Variants in MKRN1 observed in about 807,000 individuals in gnomAD.
MKRN1 encodes the protein makorin ring finger protein 1, also known as E3 ubiquitin-protein ligase makorin-1.
In MKRN1, 9 loss-of-function variants were observed where a neutral mutation model predicts 55.5. The ratio of observed to expected loss-of-function variants is 0.16; its 90% CI spans 0.10 to 0.28. The LOEUF (loss-of-function observed/expected upper bound fraction) is 0.28, where lower values mean the gene tolerates loss of function less well. MKRN1 is among the 10% of genes least tolerant of loss of function. The pLI is 1.00. For missense variants in MKRN1, 488 were observed against 626.7 expected (o/e 0.78, Z 2.36); for synonymous variants, 253 against 235.9 (o/e 1.07, Z -0.66).
intron 5 of MKRN1, 196 bp from the exon 6 acceptor site, chr7:140,456,096 T>C (rs1585462076): frequency 9.7e-7 from 1 of 1,030,754 alleles, no homozygotes; most frequent in Non-Finnish European, 1.3e-6. Context: ...TAAATCCAAC[T>C]CAAGGGCTAG....
In MKRN1 at chr7:140,459,193, C is replaced by T. The variant is rs1563087964; in HGVS notation, c.585G>A (p.Val195=). 1.2e-6 allele frequency: 2 copies of T among 1,613,924 alleles called. No homozygotes were observed. The highest frequency in any genetic ancestry group is 3.3e-5 in the Admixed American group (2 of 60,014). ...SCTEAPLQGS[V]TKEESEKEQT... is the part of the protein sequence containing the mutation. Reference sequence around the variant, plus strand: ...GCTCTTTCTCTGATTCTTCCTTGGTCACTGAGCCCTGCAGGGGTGCTTCAG... The same window carrying T: ...GCTCTTTCTCTGATTCTTCCTTGGTTACTGAGCCCTGCAGGGGTGCTTCAG... The change falls in exon 4 of 8, where the codon GTG becomes GTA. Residue 195 remains valine, a synonymous_variant. Transcript: ENST00000255977.
In MKRN1 at chr7:140,459,689, C is replaced by A; in HGVS notation, c.544+18G>T. ...TATCCAGCCCTCTAACTCTTATTTT[C>A]TTCTTCAGAATACTTACTACGGCCA... On this transcript the variant is annotated intron_variant, in intron 3 of 7. Transcript: ENST00000255977. The A allele has an allele frequency of 6.2e-7, 1 of 1,608,080 alleles. No homozygotes were observed. Among genetic ancestry groups the A allele is most frequent in the African/African-American group, 1.3e-5 (1 of 74,896 alleles).
At chr7:140,459,273 A>G (rs754536949) in intron 3 of MKRN1, 40 bp from the exon 4 acceptor site, 1 of 1,592,786 alleles carries the variant, frequency 6.3e-7, no homozygotes, top group Non-Finnish European at 8.6e-7. Context: ...CCAAATAGAT[A>G]AGGCATGAAC....
At chr7:140,472,902 G>T (rs1041772171) in intron 1 of MKRN1, among the ~76,000 whole-genome samples, 1 of 151,358 alleles carries the variant, frequency 6.6e-6, no homozygotes, top group Non-Finnish European at 1.5e-5. Context: ...TGGATCACGA[G>T]GTCAGGAGAT....
At chr7:140,473,961 T>TA (rs1795013293) in intron 1 of MKRN1, 1 of 135,714 alleles carries the variant, frequency 7.4e-6, no homozygotes, top group Non-Finnish European at 1.5e-5. Context: ...CACTGCACTC[T>TA]AGCCTGGGCA....
intron 6 of MKRN1, 164 bp downstream of exon 6, chr7:140,455,626 G>GC (rs1794446934): frequency 1.6e-6 from 1 of 617,940 alleles, no homozygotes; most frequent in Non-Finnish European, 2.8e-6. Flanking sequence ...CTGTGTTATA[G>GC]CAAGATATAT....
At chr7:140,467,941 G>T (rs1794818760) in intron 2 of MKRN1, among the ~76,000 whole-genome samples, 1 of 150,056 alleles carries the variant, frequency 6.7e-6, no homozygotes, top group Admixed American at 6.6e-5. Context: ...GGTGGAGGTT[G>T]CGGTGAGCCG....
intron 1 of MKRN1, among the ~76,000 whole-genome samples, chr7:140,473,992 CAAAAA>C (rs750043239): frequency 1.3e-4 from 2 of 15,210 alleles, no homozygotes; most frequent in African/African-American, 3.1e-4. Context: ...AACTCCGTCT[CAAAAA>C]AAAAAAAAAA....
chr7:140,470,978 T>C (rs1443274336), intron 2 of MKRN1, among the ~76,000 whole-genome samples: 1 of 152,028 alleles, frequency 6.6e-6, no homozygotes, highest in Non-Finnish European at 1.5e-5. Context: ...TGCTAAAATT[T>C]TGACTGCCAT....
chr7:140,454,787 T>A (rs1794420676), intron 7 of MKRN1, 58 bp from the exon 8 acceptor site: 8 of 1,557,946 alleles, frequency 5.1e-6, no homozygotes, highest in Non-Finnish European at 7.1e-6. Flanking sequence ...TTCTATCCTG[T>A]TGTTTATAAG....
intron 2 of MKRN1, among the ~76,000 whole-genome samples, chr7:140,470,577 C>T (rs1378316660): frequency 6.8e-6 from 1 of 146,690 alleles, no homozygotes; most frequent in Non-Finnish European, 1.5e-5. Flanking sequence ...AAGAGCAAGA[C>T]TCCATCCTAA....
rs763962930 is a variant in MKRN1 at position 140,459,230 on chromosome 7, G to A, written c.548C>T (p.Ala183Val). The change falls in exon 4 of 8, where the codon GCG (alanine) becomes GTG (valine). Residue 183 changes from alanine to valine, a missense_variant. Ala to Val is a moderately conservative substitution (Grantham distance 64). Coordinates refer to ENST00000255977, the MANE Select transcript of MKRN1 (RefSeq NM_013446.4). ...CAGGGGTGCTTCAGTGCAGGAAGGC[G>A]CAGCTGAAAATGTGTAAGAGGGTGG... The part of the protein sequence containing the change: ...VPGQPYCGRT[A>V]PSCTEAPLQG... 18 of 1,613,734 alleles carry A rather than the reference G, an allele frequency of 1.1e-5. No individual in the cohort carries two copies. The highest frequency in any genetic ancestry group is 3.3e-5 in the Admixed American group (2 of 59,988).
chr7:140,475,559 G>A (rs1795096444), intron 1 of MKRN1, among the ~76,000 whole-genome samples: 1 of 152,164 alleles, frequency 6.6e-6, no homozygotes, highest in Non-Finnish European at 1.5e-5. Flanking sequence ...AGCTACTGGG[G>A]AGGTTCAAGC....
At position 140,459,038 on chromosome 7, in the gene MKRN1, A is replaced by C; in HGVS notation, c.740T>G (p.Met247Arg). 6.2e-7 allele frequency: 1 copy of C among 1,613,990 alleles called. No individual in the cohort carries two copies. The highest frequency in any genetic ancestry group is 1.1e-5 in the South Asian group (1 of 91,080). ...ATGCTGCGATCTCTGGGCAGCATCC[A>C]TTGGATGCAGGACCTGCAGCCCACA... ...DMCGLQVLHPMDAAQRSQHIK... is the reference protein window; with the variant it reads ...DMCGLQVLHPRDAAQRSQHIK... The change falls in exon 4 of 8, where the codon ATG becomes AGG. Residue 247 changes from methionine to arginine, a missense_variant. By Grantham distance (91) the Met-to-Arg change is moderately conservative (BLOSUM62 -1). Coordinates refer to ENST00000255977, the MANE Select transcript of MKRN1 (RefSeq NM_013446.4).
At chr7:140,470,891 TG>T (rs1794903942) in intron 2 of MKRN1, among the ~76,000 whole-genome samples, 1 of 152,148 alleles carries the variant, frequency 6.6e-6, no homozygotes, top group Non-Finnish European at 1.5e-5. Flanking sequence ...CACTCCAGCC[TG>T]GGCAACAGAG....
Position 140,471,903 on chromosome 7 carries a change from A to G in MKRN1, c.294T>C (p.Cys98=). 6.2e-7 allele frequency: 1 copy of G among 1,614,000 alleles called. No individual in the cohort carries two copies. The highest frequency in any genetic ancestry group is 8.5e-7 in the Non-Finnish European group (1 of 1,179,980). ...CTTACCTGCAGCGGTCTCCATAAATACAGTACCCTCGCTGAAAATACTTGC... is the reference window on the plus strand; with the variant it reads ...CTTACCTGCAGCGGTCTCCATAAATGCAGTACCCTCGCTGAAAATACTTGC... ...VVCKYFQRGY[C]IYGDRCRYEH... is the part of the protein sequence containing the mutation. Residue 98 remains cysteine, a synonymous_variant, in exon 2 of 8, where the codon TGT becomes TGC. Coordinates refer to ENST00000255977, the MANE Select transcript of MKRN1 (RefSeq NM_013446.4).
At position 140,464,211 on chromosome 7, in the gene MKRN1, C is replaced by T. The variant is rs539507629; in HGVS notation, c.315-4275G>A. Among the ~76,000 whole-genome samples, 41 of 152,154 alleles carry T rather than the reference C, an allele frequency of 2.7e-4. 1 individual carries two copies. In the South Asian group the frequency reaches 7.9e-3, roughly 29 times the overall value. On this transcript the variant is annotated intron_variant, in intron 2 of 7. Coordinates refer to ENST00000255977, the MANE Select transcript of MKRN1 (RefSeq NM_013446.4). Reference sequence around the variant, plus strand: ...CTGGGATTATAGGCGTGAGCCACCGCGCCCAGGCCCAAAGCCTTACTTTTC... The same window carrying T: ...CTGGGATTATAGGCGTGAGCCACCGTGCCCAGGCCCAAAGCCTTACTTTTC...
At chr7:140,464,712 A>T (rs920437164) in intron 2 of MKRN1, among the ~76,000 whole-genome samples, 3 of 152,092 alleles carry the variant, frequency 2.0e-5, no homozygotes, top group Non-Finnish European at 4.4e-5. Context: ...TCTCAAAAAA[A>T]CAAACAAACA....
At chr7:140,477,167 G>C (rs756787637) in intron 1 of MKRN1, among the ~76,000 whole-genome samples, 1 of 149,276 alleles carries the variant, frequency 6.7e-6, no homozygotes, top group Non-Finnish European at 1.5e-5. Context: ...TTAAGTAAGA[G>C]ATCATGTTGG....
Sources: gnomAD v4.1 joint callset for allele counts (sites outside exome capture counted in the v4.1 genomes callset) on GRCh38, gnomAD v4.1.1 for gene constraint, MANE v1.5 for transcripts, NCBI Gene and HGNC (gene_info 2026-07-23, HGNC 2026-07-21) for gene names.